The following ABLIM2 variants were observed in gnomAD, a reference collection of about 807,000 sequenced individuals.
ABLIM2 encodes the protein actin binding LIM protein family member 2.
Under a neutral mutation model 97.7 loss-of-function variants are expected in ABLIM2, and 53 were observed. The observed-to-expected ratio is 0.54, with a 90% confidence interval of 0.44 to 0.68. The LOEUF (loss-of-function observed/expected upper bound fraction) is 0.68, where lower values mean the gene tolerates loss of function less well. Ranked by LOEUF, ABLIM2 falls within the 30% of genes least tolerant of loss-of-function variation. ABLIM2 has a pLI of 0.00. For missense variants in ABLIM2, 835 were observed against 867.2 expected (o/e 0.96, Z 0.47); for synonymous variants, 361 against 345.8 (o/e 1.04, Z -0.49).
chr4:8,034,517 AGGTG>A (rs1560805995), intron 10 of ABLIM2, among the ~76,000 whole-genome samples: 2 of 26,518 alleles, frequency 7.5e-5, no homozygotes, highest in African/African-American at 3.5e-4. Context: ...AGGTGGGTGC[AGGTG>A]GGTGGGTGGT....
chr4:8,126,378 C>T (rs1198718667), intron 1 of ABLIM2, among the ~76,000 whole-genome samples: 1 of 151,836 alleles, frequency 6.6e-6, no homozygotes, highest in Non-Finnish European at 1.5e-5. Flanking sequence ...CCCCTGTGTA[C>T]CCCCTGCTCT....
intron 15 of ABLIM2, among the ~76,000 whole-genome samples, chr4:8,008,616 C>T (rs1055224606): frequency 7.9e-5 from 12 of 152,326 alleles, no homozygotes; most frequent in African/African-American, 2.2e-4. Flanking sequence ...TGTTGGAACA[C>T]GGAGATGCCT....
rs1267066646 is a variant in ABLIM2 at position 8,127,680 on chromosome 4, G to A, written c.11-21043C>T. The A allele has an allele frequency of 5.5e-6, 7 of 1,266,610 alleles. No homozygotes were observed. The highest frequency in any genetic ancestry group is 7.2e-6 in the Non-Finnish European group (7 of 972,726). 78.5% of individuals were successfully genotyped at this position (1,266,610 alleles called of 1,614,324 possible). A position where few individuals can be genotyped will look rare whatever the true frequency, so the allele number is the denominator to read the frequency against. ...AGGAGTGGACCGGGGAAGAGCCTCT[G>A]TGGCCCACAGGGCTCCCACAAGGTC... On this transcript the variant is annotated intron_variant, in intron 1 of 20. Transcript: ENST00000447017. The surrounding 1 kb of genome is among the most constrained non-coding windows in gnomAD (Gnocchi z 7.3).
intron 7 of ABLIM2, among the ~76,000 whole-genome samples, chr4:8,057,741 T>C (rs1800253596): frequency 6.6e-6 from 1 of 152,180 alleles, no homozygotes; most frequent in Non-Finnish European, 1.5e-5. Context: ...GGTGGTGGCA[T>C]TGCGGGGGTT....
rs1815489731 is a variant in ABLIM2, at chr4:8,075,565, C to A, written c.675+2063G>T. Reference sequence around the variant, plus strand: ...AAAATTAGCCAGGTGTGGTGGCGCACACCTGTAGTCCCAGCTGGTCGGGAG... The same window carrying A: ...AAAATTAGCCAGGTGTGGTGGCGCAAACCTGTAGTCCCAGCTGGTCGGGAG... On this transcript the variant is annotated intron_variant, in intron 6 of 20. Transcript: ENST00000447017. This position sits in a 1 kb window ranked among gnomAD's most constrained non-coding sequence, Gnocchi z 4.4. Among the ~76,000 whole-genome samples the A allele has an allele frequency of 2.0e-5, 3 of 152,044 alleles. No individual in the cohort carries two copies. In the South Asian group the frequency reaches 6.2e-4, roughly 32 times the overall value.
Position 7,996,650 on chromosome 4 carries a change from T to C in ABLIM2, c.1619-3723A>G, listed in dbSNP as rs185901357. On this transcript the variant is annotated intron_variant, in intron 16 of 20. Coordinates refer to ENST00000447017, the MANE Select transcript of ABLIM2 (RefSeq NM_001130083.2). This position sits in a 1 kb window ranked among gnomAD's most constrained non-coding sequence, Gnocchi z 4.5. ...ATTATGTTTTGTCCCCGGTTTTACC[T>C]ATTCCGACGTTCTTCTTTCCTTTCT... 1.3e-5 allele frequency among the ~76,000 whole-genome samples: 2 copies of C among 152,388 alleles called. No individual in the cohort carries two copies. Among genetic ancestry groups the C allele is most frequent in the Non-Finnish European group, 1.5e-5 (1 of 68,034 alleles).
chr4:8,080,769 C>A lies in ABLIM2; in HGVS notation c.488G>T (p.Gly163Val). Residue 163 changes from glycine to valine, a missense_variant, in exon 5 of 21, where the codon GGC becomes GTC. Coordinates refer to ENST00000447017, the MANE Select transcript of ABLIM2 (RefSeq NM_001130083.2). ...CTTGTCCAAGGCTACCAGGGCCTGGCCATTCTTGATTTCTGTGCCGCAGCC... is the reference window on the plus strand; with the variant it reads ...CTTGTCCAAGGCTACCAGGGCCTGGACATTCTTGATTTCTGTGCCGCAGCC... ...CGGCGTEIKNGQALVALDKHW... is the reference protein window; with the variant it reads ...CGGCGTEIKNVQALVALDKHW... 6.2e-7 allele frequency: 1 copy of A among 1,610,660 alleles called. No homozygotes were observed. The highest frequency in any genetic ancestry group is 8.5e-7 in the Non-Finnish European group (1 of 1,177,878).
At position 8,005,507 on chromosome 4, in the gene ABLIM2, C is replaced by T. The variant is rs1258113705; in HGVS notation, c.1618+2552G>A. On this transcript the variant is annotated intron_variant, in intron 16 of 20. Coordinates refer to ENST00000447017, the MANE Select transcript of ABLIM2 (RefSeq NM_001130083.2). This position sits in a 1 kb window ranked among gnomAD's most constrained non-coding sequence, Gnocchi z 4.9. ...TGTGTGCAAATGGAACTGGTGCCCACGGACTCAGGTCTGGGGGCTACTTGG... is the reference window on the plus strand; with the variant it reads ...TGTGTGCAAATGGAACTGGTGCCCATGGACTCAGGTCTGGGGGCTACTTGG... 9 of 517,132 alleles carry T rather than the reference C, an allele frequency of 1.7e-5. No individual in the cohort carries two copies. The highest frequency in any genetic ancestry group is 5.8e-5 in the Admixed American group (3 of 51,494). 32.0% of individuals were successfully genotyped at this position (517,132 alleles called of 1,614,324 possible).
intron 20 of ABLIM2, among the ~76,000 whole-genome samples, chr4:7,979,025 G>C (rs552533418): frequency 1.3e-5 from 2 of 152,192 alleles, no homozygotes; most frequent in African/African-American, 4.8e-5. Context: ...CTCACTCTGC[G>C]CAGATGCTGG....
chr4:8,010,810 A>T (rs1394263352), intron 14 of ABLIM2: 1 of 157,756 alleles, frequency 6.3e-6, no homozygotes, highest in East Asian at 1.9e-4. Context: ...TGTTGCCCAG[A>T]CAACAGCCGT....
rs1026221323 is a variant in ABLIM2, at chr4:7,965,480, G to C, written c.*1510C>G. 2 of 152,634 alleles carry C rather than the reference G, an allele frequency of 1.3e-5. No homozygotes were observed. Among genetic ancestry groups the C allele is most frequent in the African/African-American group, 4.8e-5 (2 of 41,456 alleles). The allele number at this position is 152,634 out of a possible 1,614,324, so 9.5% of individuals were successfully genotyped here. On this transcript the variant is annotated 3_prime_UTR_variant, in exon 21 of 21. Coordinates refer to ENST00000447017, the MANE Select transcript of ABLIM2 (RefSeq NM_001130083.2). ...AAACTCCCCCTCCCTAGCCGAGCTG[G>C]GCGGGTGAGAAGCCGAGTGCGAAAC...
rs59730014 is a variant in ABLIM2 at position 8,005,868 on chromosome 4, T to A, written c.1618+2191A>T. ...GGCATGGCCAGGGGAAGGACACATA[T>A]GTCTGTGCTGGAGCAGAATCTCCCC... On this transcript the variant is annotated intron_variant, in intron 16 of 20. Coordinates refer to ENST00000447017, the MANE Select transcript of ABLIM2 (RefSeq NM_001130083.2). The surrounding 1 kb of genome is among the most constrained non-coding windows in gnomAD (Gnocchi z 4.9). 0.037 allele frequency among the ~76,000 whole-genome samples: 5,575 copies of A among 152,276 alleles called. 326 individuals carry two copies. The highest frequency in any genetic ancestry group is 0.13 in the African/African-American group (5,314 of 41,542).
rs539342093 is a variant in ABLIM2 at position 8,029,796 on chromosome 4, T to C, written c.1048-20A>G. The C allele has an allele frequency of 3.3e-5, 52 of 1,563,718 alleles. No homozygotes were observed. In the South Asian group the frequency reaches 5.4e-4, roughly 16 times the overall value. On this transcript the variant is annotated intron_variant, in intron 10 of 20. Transcript: ENST00000447017. ...ATCCCCCTGGGAGGGAAGATGCAGC[T>C]TGTGAACACTGGAGCCGGGAGCACT...
chr4:8,118,176 C>T (rs535283811), intron 1 of ABLIM2, among the ~76,000 whole-genome samples: 1 of 152,334 alleles, frequency 6.6e-6, no homozygotes, highest in Non-Finnish European at 1.5e-5. Flanking sequence ...CGAGGCTGGA[C>T]CCTGAGCCCA....
Position 8,007,912 on chromosome 4 carries a change from C to A in ABLIM2, c.1618+147G>T, listed in dbSNP as rs753181469. 7 of 1,462,122 alleles carry A rather than the reference C, an allele frequency of 4.8e-6. No homozygotes were observed. The East Asian group carries it at 7.0e-5, about 15-fold the overall frequency. The allele number at this position is 1,462,122 out of a possible 1,614,324, so 90.6% of individuals were successfully genotyped here. A position where few individuals can be genotyped will look rare whatever the true frequency, so the allele number is the denominator to read the frequency against. On this transcript the variant is annotated intron_variant, in intron 16 of 20. Transcript: ENST00000447017. ...ACTGCAAAAGCCCCATATTTCCTTCCGGTCGGTCCTTAGATTTGTGGGCTT... is the reference window on the plus strand; with the variant it reads ...ACTGCAAAAGCCCCATATTTCCTTCAGGTCGGTCCTTAGATTTGTGGGCTT...
rs544656168 is a variant in ABLIM2 at position 8,046,097 on chromosome 4, C to T, written c.823-856G>A. On this transcript the variant is annotated intron_variant, in intron 8 of 20. Coordinates refer to ENST00000447017, the MANE Select transcript of ABLIM2 (RefSeq NM_001130083.2). This position sits in a 1 kb window ranked among gnomAD's most constrained non-coding sequence, Gnocchi z 4.4. ...AACTGCACCTGTGGGCTTGTCCTGG[C>T]CTTTTTGCTGCTGTCACGCCTGGGA... Among the ~76,000 whole-genome samples the T allele has an allele frequency of 1.3e-5, 2 of 152,294 alleles. No individual in the cohort carries two copies. The highest frequency in any genetic ancestry group is 4.2e-4 in the South Asian group (2 of 4,818).
In ABLIM2 at chr4:8,009,031, A is replaced by G. The variant is rs764697427; in HGVS notation, c.1476+19T>C. The G allele has an allele frequency of 1.2e-6, 2 of 1,613,726 alleles. No homozygotes were observed. Among genetic ancestry groups the G allele is most frequent in the East Asian group, 4.5e-5 (2 of 44,884 alleles). On this transcript the variant is annotated intron_variant, in intron 15 of 20. Transcript: ENST00000447017. ...TCTGAGCAAGGCTGTTCTCAGCCAG[A>G]TCTGCTCCCTGGCATTACCTTCCTG...
At chr4:8,079,246 A>G (rs1044096054) in intron 5 of ABLIM2, among the ~76,000 whole-genome samples, 6 of 152,210 alleles carry the variant, frequency 3.9e-5, no homozygotes, top group African/African-American at 1.4e-4. Flanking sequence ...ATAACCCACA[A>G]ACGAGTGTTA....
rs1424261469 is a variant in ABLIM2, at chr4:8,075,776, G to T, written c.675+1852C>A. On this transcript the variant is annotated intron_variant, in intron 6 of 20. Transcript: ENST00000447017. The surrounding 1 kb of genome is among the most constrained non-coding windows in gnomAD (Gnocchi z 4.4). ...CTATCTCAATGAAGCTATTTAAAAA[G>T]ACCCCACAATACCAAAAGAAGAAAT... 1.3e-5 allele frequency among the ~76,000 whole-genome samples: 2 copies of T among 152,140 alleles called. No individual in the cohort carries two copies. The highest frequency in any genetic ancestry group is 2.9e-5 in the Non-Finnish European group (2 of 68,016).
Sources: allele counts gnomAD v4.1 joint callset (sites outside exome capture counted in the v4.1 genomes callset), GRCh38; gene constraint gnomAD v4.1.1; non-coding constraint Gnocchi (gnomAD v3.1); transcripts MANE v1.5; gene names NCBI Gene and HGNC (gene_info 2026-07-23, HGNC 2026-07-21).